GLMN: variants seen among roughly 807,000 people sequenced by gnomAD.
GLMN encodes the protein glomulin, FKBP associated protein, also known as glomulin.
A neutral mutation model predicts 87.8 loss-of-function variants in GLMN; 75 were observed. The observed-to-expected ratio is 0.85, with a 90% CI of 0.71 to 1.04. GLMN has a LOEUF of 1.04. Among genes scored for constraint, GLMN ranks in the 50% least tolerant of loss-of-function variants. The pLI is 0.00. For synonymous variants in GLMN, 206 were observed against 221.6 expected, an observed-to-expected ratio of 0.93 and a Z score of 0.63; for missense variants, 588 against 658.8, an observed-to-expected ratio of 0.89 and a Z score of 1.18.
chr1:92,341,808 C>G, the GLMN span, among the ~76,000 whole-genome samples: 1 of 152,158 alleles, frequency 6.6e-6, no homozygotes, highest in African/African-American at 2.4e-5. Context: ...CCACACCCAG[C>G]TAATTTTCAT....
chr1:92,361,447 T>G, the GLMN span, among the ~76,000 whole-genome samples: 1 of 152,168 alleles, frequency 6.6e-6, no homozygotes, highest in South Asian at 2.1e-4. Context: ...TTGTTGATAT[T>G]ATGGACTTAT....
At chr1:92,286,733 G>A (rs1353811429) in intron 6 of GLMN, 141 bp from the exon 7 acceptor site, 2 of 664,174 alleles carry the variant, frequency 3.0e-6, no homozygotes, top group Non-Finnish European at 5.5e-6. Context: ...CAAAACTCAT[G>A]TTGAAATTTA....
the GLMN span, among the ~76,000 whole-genome samples, chr1:92,332,257 C>A: frequency 0.86 from 131,205 of 151,968 alleles, 57,071 homozygotes; most frequent in East Asian, 1. Flanking sequence ...TTTTATGTCT[C>A]CCCATTAGTT....
chr1:92,327,009 G>A, the GLMN span, among the ~76,000 whole-genome samples: 2 of 152,178 alleles, frequency 1.3e-5, no homozygotes, highest in East Asian at 3.8e-4. Context: ...AGTTCAGCTG[G>A]CCTATCATAT....
the GLMN span, among the ~76,000 whole-genome samples, chr1:92,307,895 AACT>A: frequency 1.3e-5 from 2 of 152,172 alleles, no homozygotes; most frequent in Non-Finnish European, 2.9e-5. Context: ...ATGGTAATTA[AACT>A]GTATTGCCTA....
At chr1:92,306,921 C>T in the GLMN span, among the ~76,000 whole-genome samples, 1 of 152,092 alleles carries the variant, frequency 6.6e-6, no homozygotes, top group Non-Finnish European at 1.5e-5. Flanking sequence ...GATATGTACA[C>T]AGGTGCTAAA....
the GLMN span, among the ~76,000 whole-genome samples, chr1:92,353,040 G>T: frequency 1.3e-5 from 2 of 152,040 alleles, no homozygotes; most frequent in Admixed American, 6.6e-5. Flanking sequence ...TCCTTTTTAT[G>T]GCCAAATAAT....
chr1:92,251,578 T>C (rs1271423632), intron 16 of GLMN, among the ~76,000 whole-genome samples: 1 of 152,044 alleles, frequency 6.6e-6, no homozygotes, highest in Admixed American at 6.6e-5. Context: ...AAGAATAAAA[T>C]TGATAAGTTG....
At chr1:92,304,620 G>C in the GLMN span, among the ~76,000 whole-genome samples, 1 of 152,128 alleles carries the variant, frequency 6.6e-6, no homozygotes, top group African/African-American at 2.4e-5. Context: ...ATAAATCATG[G>C]AACAGAATAG....
chr1:92,250,129 G>A (rs534391123), intron 16 of GLMN, among the ~76,000 whole-genome samples: 11 of 151,988 alleles, frequency 7.2e-5, no homozygotes, highest in Admixed American at 4.6e-4. Flanking sequence ...AACATAAAGA[G>A]TATAGGGAAA....
At chr1:92,300,688 G>T (rs1373893321), upstream of GLMN, among the ~76,000 whole-genome samples, 1 of 152,194 alleles carries the variant, frequency 6.6e-6, no homozygotes, top group Non-Finnish European at 1.5e-5. Context: ...TCTAGAAGAG[G>T]AGTAGAATGT....
the GLMN span, among the ~76,000 whole-genome samples, chr1:92,329,756 T>C: frequency 1.4e-4 from 22 of 152,220 alleles, no homozygotes; most frequent in African/African-American, 4.8e-4. Context: ...TTGATTGAGC[T>C]ATAATAGCCT....
intron 7 of GLMN, among the ~76,000 whole-genome samples, chr1:92,275,460 C>T (rs1424330366): frequency 6.6e-6 from 1 of 152,126 alleles, no homozygotes; most frequent in Non-Finnish European, 1.5e-5. Flanking sequence ...TTGTATTTTT[C>T]CCTCAACAGT....
intron 3 of GLMN, among the ~76,000 whole-genome samples, chr1:92,294,540 G>C (rs939718632): frequency 6.6e-6 from 1 of 151,974 alleles, no homozygotes; most frequent in African/African-American, 2.4e-5. Flanking sequence ...GTATGTGAAT[G>C]GTCTCTCACA....
At chr1:92,366,012 G>T in the GLMN span, among the ~76,000 whole-genome samples, 1 of 151,998 alleles carries the variant, frequency 6.6e-6, no homozygotes, top group Non-Finnish European at 1.5e-5. Context: ...TGGAAATCAC[G>T]ATAGCTTCTT....
intron 7 of GLMN, among the ~76,000 whole-genome samples, chr1:92,279,886 T>G (rs1268055507): frequency 6.6e-6 from 1 of 152,214 alleles, no homozygotes; most frequent in Middle Eastern, 3.4e-3. Context: ...CCTGCGAGGC[T>G]GCAGCTAGAC....
chr1:92,324,223 C>T, the GLMN span: 2 of 1,614,102 alleles, frequency 1.2e-6, no homozygotes, highest in Non-Finnish European at 1.7e-6. Flanking sequence ...TGAGTCTTTA[C>T]CTTTTAGGGG....
chr1:92,363,870 G>A, the GLMN span: 1 of 171,260 alleles, frequency 5.8e-6, no homozygotes, highest in Non-Finnish European at 1.3e-5. Flanking sequence ...TATGCATTAT[G>A]TAATATTTAT....
the GLMN span, among the ~76,000 whole-genome samples, chr1:92,359,412 C>T: frequency 3.9e-5 from 6 of 152,234 alleles, no homozygotes; most frequent in Non-Finnish European, 7.3e-5. Context: ...CCCCGCCTCC[C>T]AGGTTCAAGC....
Sources: allele counts gnomAD v4.1 joint callset (sites outside exome capture counted in the v4.1 genomes callset), GRCh38; gene constraint gnomAD v4.1.1; transcripts MANE v1.5; gene names NCBI Gene and HGNC (gene_info 2026-07-23, HGNC 2026-07-21).